ALDH3B1: variants seen among roughly 807,000 people sequenced by gnomAD.
ALDH3B1 encodes aldehyde dehydrogenase family 3 member B1.
ALDH3B1 carries 37 observed loss-of-function variants against 46.2 expected under a neutral mutation model. The ratio of observed to expected loss-of-function variants is 0.80; its 90% CI spans 0.62 to 1.05. The LOEUF (loss-of-function observed/expected upper bound fraction) is 1.05, where lower values mean the gene tolerates loss of function less well. ALDH3B1 is among the 50% of genes least tolerant of loss of function. ALDH3B1 has a pLI of 0.00. For synonymous variants in ALDH3B1, 283 were observed against 281.0 expected (o/e 1.01, Z -0.07); for missense variants, 603 against 665.5 (o/e 0.91, Z 1.03).
At position 68,027,811 on chromosome 11, in the gene ALDH3B1, G is replaced by A. The variant is rs908509521; in HGVS notation, c.1279G>A (p.Ala427Thr). ...CTTCGACACCTTCTCCCACCATCGC[G>A]CCTGCCTCCTGCGCAGCCCGGGGAT... The part of the protein sequence containing the change: ...FSFDTFSHHR[A>T]CLLRSPGMEK... The change falls in exon 10 of 10, where the codon GCC (alanine) becomes ACC (threonine). Residue 427 changes from alanine (A) to threonine (T), a missense_variant. Ala to Thr is a moderately conservative substitution (Grantham distance 58). Transcript: ENST00000342456. 1.3e-4 allele frequency: 210 copies of A among 1,558,692 alleles called. No homozygotes were observed. The Admixed American group carries it at 2.0e-3, about 15-fold the overall frequency.
At chr11:68,012,055 A>G (rs773211668) in intron 1 of ALDH3B1, among the ~76,000 whole-genome samples, 12 of 152,216 alleles carry the variant, frequency 7.9e-5, no homozygotes, top group Non-Finnish European at 1.6e-4. Context: ...GGATGCTCTT[A>G]GAAGGCCCAT....
intron 8 of ALDH3B1, among the ~76,000 whole-genome samples, chr11:68,023,600 C>T (rs897178788): frequency 2.6e-5 from 4 of 152,032 alleles, no homozygotes; most frequent in Non-Finnish European, 2.9e-5. Flanking sequence ...CCACCGTGCC[C>T]GGCCACTTGA....
intron 1 of ALDH3B1, among the ~76,000 whole-genome samples, chr11:68,013,288 T>C (rs770798585): frequency 6.6e-5 from 10 of 151,956 alleles, no homozygotes; most frequent in South Asian, 2.1e-4. Context: ...CCCTGGTGAG[T>C]TGGTTTCAGC....
intron 1 of ALDH3B1, among the ~76,000 whole-genome samples, chr11:68,011,295 C>G (rs931692986): frequency 6.6e-6 from 1 of 152,174 alleles, no homozygotes; most frequent in Non-Finnish European, 1.5e-5. Flanking sequence ...AATACCGGAT[C>G]GCTGCAGACT....
At chr11:68,011,596 C>T (rs989030842) in intron 1 of ALDH3B1, among the ~76,000 whole-genome samples, 1 of 152,242 alleles carries the variant, frequency 6.6e-6, no homozygotes, top group Non-Finnish European at 1.5e-5. Context: ...ATCGGAGACC[C>T]TGCGGTATTG....
At chr11:68,015,242 GC>G in intron 1 of ALDH3B1, 54 bp from the exon 2 acceptor site, 1 of 1,445,628 alleles carries the variant, frequency 6.9e-7, no homozygotes, top group Non-Finnish European at 9.1e-7. Flanking sequence ...GCTGGGTGGT[GC>G]CCATGAAGGA....
rs565499278 is a variant in ALDH3B1 at position 68,015,508 on chromosome 11, T to G, written c.162+49T>G. 17 of 1,555,974 alleles carry G rather than the reference T, an allele frequency of 1.1e-5. No individual in the cohort carries two copies. In the East Asian group the frequency reaches 3.8e-4, roughly 35 times the overall value. Reference sequence around the variant, plus strand: ...GAGGGTGCACTGGGGCAGGGGGGCATGGAGGGCAGCTGGGACAGCAGGGGA... The same window carrying G: ...GAGGGTGCACTGGGGCAGGGGGGCAGGGAGGGCAGCTGGGACAGCAGGGGA... On this transcript the variant is annotated intron_variant, in intron 2 of 9. Transcript: ENST00000342456.
chr11:68,012,505 G>A (rs925259328), intron 1 of ALDH3B1, among the ~76,000 whole-genome samples: 1 of 152,340 alleles, frequency 6.6e-6, no homozygotes, highest in East Asian at 1.9e-4. Context: ...GTGATGGGGG[G>A]CCACGCCCCA....
At chr11:68,013,775 G>A (rs1232300012) in intron 1 of ALDH3B1, among the ~76,000 whole-genome samples, 5 of 152,222 alleles carry the variant, frequency 3.3e-5, no homozygotes, top group African/African-American at 7.2e-5. Context: ...CGAGAGGCTC[G>A]TTCTTGGCTC....
At chr11:68,022,119 C>T (rs183587432) in intron 7 of ALDH3B1, among the ~76,000 whole-genome samples, 121 of 152,314 alleles carry the variant, frequency 7.9e-4, no homozygotes, top group African/African-American at 2.4e-3. Flanking sequence ...CAGGGCTCAG[C>T]GTGCTAAGAT....
intron 8 of ALDH3B1, chr11:68,024,586 A>G (rs986583481): frequency 2.0e-5 from 3 of 151,660 alleles, no homozygotes; most frequent in Non-Finnish European, 2.9e-5. Flanking sequence ...TGTGTGTATT[A>G]TGGCAAATAC....
At position 68,012,510 on chromosome 11, in the gene ALDH3B1, G is replaced by A. The variant is rs936685012; in HGVS notation, c.-2+2118G>A. 1.4e-4 allele frequency among the ~76,000 whole-genome samples: 21 copies of A among 152,334 alleles called. 1 individual carries two copies. The highest frequency in any genetic ancestry group is 5.1e-4 in the African/African-American group (21 of 41,582). ...ACCTCAACCTGTGATGGGGGGCCAC[G>A]CCCCAGAGACCCTTGGGCCCATCAG... On this transcript the variant is annotated intron_variant, in intron 1 of 9. Transcript: ENST00000342456.
At chr11:68,009,774 T>G (rs1857193212), upstream of ALDH3B1, among the ~76,000 whole-genome samples, 1 of 152,132 alleles carries the variant, frequency 6.6e-6, no homozygotes, top group African/African-American at 2.4e-5. Context: ...TTTCTCTTAC[T>G]TCTGTTTTTT....
chr11:68,023,430 T>C (rs2134397729), intron 8 of ALDH3B1, among the ~76,000 whole-genome samples: 2 of 151,844 alleles, frequency 1.3e-5, no homozygotes, highest in South Asian at 4.2e-4. Context: ...CAACCTCCTG[T>C]GTAGCTGGGA....
In ALDH3B1 at chr11:68,028,237, T is replaced by G. The variant is rs1448399747; in HGVS notation, c.*298T>G. On this transcript the variant is annotated 3_prime_UTR_variant, in exon 10 of 10. Coordinates refer to ENST00000342456, the MANE Select transcript of ALDH3B1 (RefSeq NM_000694.4). ...AGGAGAAGAGGACAGACACGGCACCTCTGAGTCACCCCTCTCCTGTGGAGC... is the reference window on the plus strand; with the variant it reads ...AGGAGAAGAGGACAGACACGGCACCGCTGAGTCACCCCTCTCCTGTGGAGC... The G allele has an allele frequency of 1.4e-5, 8 of 565,366 alleles. No individual in the cohort carries two copies. In the East Asian group the frequency reaches 3.0e-4, roughly 21 times the overall value. The allele number at this position is 565,366 out of a possible 1,614,324, so 35.0% of individuals were successfully genotyped here. A position where few individuals can be genotyped will look rare whatever the true frequency, so the allele number is the denominator to read the frequency against.
chr11:68,015,400 C>T lies in ALDH3B1; in HGVS notation c.103C>T (p.Arg35Cys), dbSNP rs199730372. Residue 35 changes from arginine (R) to cysteine (C), a missense_variant, in exon 2 of 10, where the codon CGC (arginine) becomes TGC (cysteine). Arg to Cys is a radical substitution (Grantham distance 180). Coordinates refer to ENST00000342456, the MANE Select transcript of ALDH3B1 (RefSeq NM_000694.4). Reference sequence around the variant, plus strand: ...GGCTGCGCAGCTCCAAGGCCTGGGCCGCTTCCTGCAAGAAAACAAGCAGCT... The same window carrying T: ...GGCTGCGCAGCTCCAAGGCCTGGGCTGCTTCCTGCAAGAAAACAAGCAGCT... ...FRAAQLQGLG[R>C]FLQENKQLLH... 6.1e-4 allele frequency: 955 copies of T among 1,554,430 alleles called. 2 individuals are homozygous for T. Among genetic ancestry groups the T allele is most frequent in the African/African-American group, 4.6e-3 (340 of 73,442 alleles).
At position 68,018,549 on chromosome 11, in the gene ALDH3B1, C is replaced by G; in HGVS notation, c.185C>G (p.Ser62Cys). Residue 62 changes from serine to cysteine, a missense_variant, in exon 3 of 10, where the codon TCT becomes TGT. Ser to Cys is a moderately radical substitution (Grantham distance 112, BLOSUM62 -1). Coordinates refer to ENST00000342456, the MANE Select transcript of ALDH3B1 (RefSeq NM_000694.4). ...LHKSAFESEV[S>C]EVAISQGEVT... ...CAGTCAGCCTTCGAGTCGGAGGTGT[C>G]TGAGGTTGCCATCAGCCAGGGCGAG... The G allele has an allele frequency of 6.3e-7, 1 of 1,576,312 alleles. No homozygotes were observed. The highest frequency in any genetic ancestry group is 8.6e-7 in the Non-Finnish European group (1 of 1,161,124).
In ALDH3B1 at chr11:68,022,672, G is replaced by A. The variant is rs774371008; in HGVS notation, c.1027G>A (p.Val343Met). The A allele has an allele frequency of 9.4e-5, 151 of 1,614,064 alleles. No homozygotes were observed. The highest frequency in any genetic ancestry group is 3.7e-4 in the Admixed American group (22 of 60,012). Residue 343 changes from valine (V) to methionine (M), a missense_variant, in exon 8 of 10, where the codon GTG becomes ATG. Physicochemically the swap from Val to Met is conservative, Grantham distance 21. Transcript: ENST00000342456. ...GATCTTCGGGCCCATCCTGCCCATC[G>A]TGAACGTGCAGAGCTTGGACGAGGC... ...EEIFGPILPI[V>M]NVQSLDEAIE...
chr11:68,010,771 C>T (rs1484727252), intron 1 of ALDH3B1, among the ~76,000 whole-genome samples: 3 of 152,218 alleles, frequency 2.0e-5, no homozygotes, highest in Non-Finnish European at 1.5e-5. Context: ...GTCAAGTATC[C>T]CTTCCAGCAA....
Sources: gnomAD v4.1 joint callset for allele counts (sites outside exome capture counted in the v4.1 genomes callset) on GRCh38, gnomAD v4.1.1 for gene constraint, MANE v1.5 for transcripts, NCBI Gene and HGNC (gene_info 2026-07-23, HGNC 2026-07-21) for gene names.